The following NCAPD2 variants were observed in gnomAD, a reference collection of about 807,000 sequenced individuals.
NCAPD2 encodes the protein non-SMC condensin I complex subunit D2.
NCAPD2 carries 100 observed loss-of-function variants against 164.5 expected under a neutral mutation model. That is an observed-to-expected ratio of 0.61 (90% CI 0.52 to 0.72). The LOEUF (loss-of-function observed/expected upper bound fraction) is 0.72. Ranked by LOEUF, NCAPD2 falls within the 30% of genes least tolerant of loss-of-function variation. The pLI, the probability that NCAPD2 is intolerant of heterozygous loss-of-function variation, is 0.00. For synonymous variants in NCAPD2, 585 were observed against 642.6 expected (o/e 0.91, Z 1.36); for missense variants, 1,560 against 1,749.2 (o/e 0.89, Z 1.93).
At chr12:6,523,618 C>G (rs766210781) in intron 17 of NCAPD2, among the ~76,000 whole-genome samples, 111 of 152,122 alleles carry the variant, frequency 7.3e-4, no homozygotes, top group Non-Finnish European at 1.3e-3. Context: ...GAGCTGGTCT[C>G]GAACCCTTGA....
Position 6,531,577 on chromosome 12 carries a change from G to A in NCAPD2, c.*165G>A, listed in dbSNP as rs950102953. 1.5e-5 allele frequency: 21 copies of A among 1,420,784 alleles called. No individual in the cohort carries two copies. Among genetic ancestry groups the A allele is most frequent in the East Asian group, 1.3e-4 (5 of 38,998 alleles). 88.0% of individuals were successfully genotyped at this position (1,420,784 alleles called of 1,614,324 possible). A position where few individuals can be genotyped will look rare whatever the true frequency, so the allele number is the denominator to read the frequency against. ...TCCCAGCACTTTGCGATACCAAGGC[G>A]GGTGGATAACCTGAGGTAGGGAGTT... is the stretch of plus-strand genomic sequence containing the variant. On this transcript the variant is annotated 3_prime_UTR_variant, in exon 32 of 32. Transcript: ENST00000315579. This position sits in a 1 kb window ranked among gnomAD's most constrained non-coding sequence, Gnocchi z 4.1.
chr12:6,520,846 G>A, intron 13 of NCAPD2, 140 bp from the exon 14 acceptor site: 1 of 1,124,280 alleles, frequency 8.9e-7, no homozygotes, highest in Middle Eastern at 2.5e-4. Flanking sequence ...AGTAGGTGCT[G>A]TAACAACTTT....
chr12:6,531,163 T>A lies in NCAPD2; in HGVS notation c.4120+87T>A. 1.9e-6 allele frequency: 3 copies of A among 1,548,026 alleles called. No individual in the cohort carries two copies. The highest frequency in any genetic ancestry group is 1.7e-5 in the Admixed American group (1 of 57,354). ...TTCCATAGGACCTGCTGCGGGGGCC[T>A]GAGTGTAGATGCTCTGCCCCACTGC... On this transcript the variant is annotated intron_variant, in intron 31 of 31. Coordinates refer to ENST00000315579, the MANE Select transcript of NCAPD2 (RefSeq NM_014865.4). The surrounding 1 kb of genome is among the most constrained non-coding windows in gnomAD (Gnocchi z 4.1).
rs781325895 is a variant in NCAPD2 at position 6,495,175 on chromosome 12, A to G, written c.77A>G (p.Tyr26Cys). Residue 26 changes from tyrosine to cysteine, a missense_variant, in exon 2 of 32, where the codon TAT becomes TGT. Tyr to Cys is a radical substitution (Grantham distance 194, BLOSUM62 -2). Transcript: ENST00000315579. ...TTGAAAAGTGGAGGGGTGAATCAGT[A>G]TGTTGTGCAAGAGGTACTGTCCATC... The part of the protein sequence containing the change: ...ELLKSGGVNQ[Y>C]VVQEVLSIKH... 4.2e-5 allele frequency: 68 copies of G among 1,614,004 alleles called. No homozygotes were observed. Among genetic ancestry groups the G allele is most frequent in the Non-Finnish European group, 4.2e-6 (5 of 1,179,994 alleles).
chr12:6,495,137 C>T lies in NCAPD2; in HGVS notation c.39C>T (p.Ser13=). The change falls in exon 2 of 32, where the codon TCC becomes TCT. Residue 13 remains serine, a synonymous_variant. Coordinates refer to ENST00000315579, the MANE Select transcript of NCAPD2 (RefSeq NM_014865.4). ...TGTATGAGTTCCATCTGCCATTATC[C>T]CCAGAGGAGTTGTTGAAAAGTGGAG... is the stretch of plus-strand genomic sequence containing the variant. ...PQMYEFHLPL[S]PEELLKSGGV... The T allele has an allele frequency of 1.2e-6, 2 of 1,614,036 alleles. No homozygotes were observed. Among genetic ancestry groups the T allele is most frequent in the South Asian group, 2.2e-5 (2 of 91,078 alleles).
At chr12:6,504,310 G>A (rs1946078880) in intron 2 of NCAPD2, among the ~76,000 whole-genome samples, 1 of 150,450 alleles carries the variant, frequency 6.6e-6, no homozygotes, top group Non-Finnish European at 1.5e-5. Context: ...ATCTGCATAT[G>A]TAAGTTTTGA....
chr12:6,501,115 C>T (rs898385494), intron 2 of NCAPD2, among the ~76,000 whole-genome samples: 2 of 146,480 alleles, frequency 1.4e-5, no homozygotes, highest in Non-Finnish European at 3.0e-5. Flanking sequence ...GGTTGGCGTG[C>T]AGTGGCGTGA....
chr12:6,529,158 T>TCTCTTTGCC, intron 27 of NCAPD2, 119 bp downstream of exon 27: 1 of 848,116 alleles, frequency 1.2e-6, no homozygotes, highest in Non-Finnish European at 1.8e-6. Flanking sequence ...CGGCAATAAC[T>TCTCTTTGCC]TAGCCTCTCT....
chr12:6,518,520 T>TTTTTTTTG (rs1946231875), intron 13 of NCAPD2, among the ~76,000 whole-genome samples: 7 of 114,014 alleles, frequency 6.1e-5, no homozygotes, highest in African/African-American at 1.9e-4. Context: ...TTTTTTTTTT[T>TTTTTTTTG]TTTTTTTTTT....
At chr12:6,503,689 T>G (rs1439778348) in intron 2 of NCAPD2, among the ~76,000 whole-genome samples, 1 of 151,604 alleles carries the variant, frequency 6.6e-6, no homozygotes, top group Non-Finnish European at 1.5e-5. Context: ...GAGAATCACT[T>G]GAACCTGGGA....
At chr12:6,524,169 G>C (rs900645583) in intron 17 of NCAPD2, among the ~76,000 whole-genome samples, 1 of 152,190 alleles carries the variant, frequency 6.6e-6, no homozygotes, top group Non-Finnish European at 1.5e-5. Flanking sequence ...GTAGGAAAGA[G>C]AGCGGTTTGG....
At chr12:6,506,869 G>A (rs184307332) in intron 2 of NCAPD2, among the ~76,000 whole-genome samples, 5 of 152,260 alleles carry the variant, frequency 3.3e-5, no homozygotes, top group Admixed American at 6.5e-5. Context: ...AAAAATTCCA[G>A]TATATTTACT....
In NCAPD2 at chr12:6,527,954, T is replaced by A. The variant is rs1565547290; in HGVS notation, c.3020-14T>A. The A allele has an allele frequency of 6.2e-7, 1 of 1,614,242 alleles. No homozygotes were observed. Among genetic ancestry groups the A allele is most frequent in the East Asian group, 2.2e-5 (1 of 44,888 alleles). On this transcript the variant is annotated splice_polypyrimidine_tract_variant and intron_variant, in intron 23 of 31. Transcript: ENST00000315579. ...AGATAACCTGTCCCAAACCTGCAGT[T>A]ACTCTTCCAACAGGCAAACAGACAC...
chr12:6,519,043 G>A (rs1460791426), intron 13 of NCAPD2, among the ~76,000 whole-genome samples: 4 of 151,620 alleles, frequency 2.6e-5, no homozygotes, highest in South Asian at 2.1e-4. Context: ...CCGCCACCAC[G>A]CCCGGCTAAT....
intron 10 of NCAPD2, 99 bp downstream of exon 10, chr12:6,517,124 C>T: frequency 7.2e-7 from 1 of 1,398,252 alleles, no homozygotes; most frequent in Admixed American, 1.9e-5. Flanking sequence ...CCAAAGAGGT[C>T]TAGAATTCAC....
chr12:6,525,487 G>A (rs1946307572), intron 17 of NCAPD2, 96 bp from the exon 18 acceptor site: 5 of 1,406,950 alleles, frequency 3.6e-6, no homozygotes, highest in Non-Finnish European at 4.8e-6. Context: ...TATTACTTTT[G>A]TCTACTTCAG....
At chr12:6,494,993 G>T in intron 1 of NCAPD2, 83 bp from the exon 2 acceptor site, 2 of 1,401,762 alleles carry the variant, frequency 1.4e-6, no homozygotes, top group East Asian at 4.6e-5. Flanking sequence ...CATTATATAT[G>T]TTGGGGATGG....
chr12:6,511,750 G>T (rs1946149813), intron 6 of NCAPD2, among the ~76,000 whole-genome samples: 1 of 152,112 alleles, frequency 6.6e-6, no homozygotes, highest in Admixed American at 6.5e-5. Flanking sequence ...GGGAGGCCGA[G>T]GCGAGTGGAT....
At chr12:6,498,362 G>A (rs755275435) in intron 2 of NCAPD2, among the ~76,000 whole-genome samples, 2 of 152,136 alleles carry the variant, frequency 1.3e-5, no homozygotes, top group Non-Finnish European at 2.9e-5. Context: ...TCTAAGCATT[G>A]ATAATACAAC....
Sources: gnomAD v4.1 joint callset for allele counts (sites outside exome capture counted in the v4.1 genomes callset) on GRCh38, gnomAD v4.1.1 for gene constraint, Gnocchi (gnomAD v3.1) non-coding constraint, MANE v1.5 for transcripts, NCBI Gene and HGNC (gene_info 2026-07-23, HGNC 2026-07-21) for gene names.